The following FFAR4 variants were observed in gnomAD, a reference collection of about 807,000 sequenced individuals.
FFAR4 encodes G-protein coupled receptor 120.
A neutral mutation model predicts 27.0 loss-of-function variants in FFAR4; 19 were observed. That is an observed-to-expected ratio of 0.70 (90% CI 0.49 to 1.03). The LOEUF is 1.03. FFAR4 is among the 50% of genes least tolerant of loss of function. The pLI is 0.00. For missense variants in FFAR4, 476 were observed against 479.0 expected, an observed-to-expected ratio of 0.99 and a Z score of 0.06; for synonymous variants, 254 against 215.6, an observed-to-expected ratio of 1.18 and a Z score of -1.56.
chr10:93,586,843 T>G (rs1467974541), intron 2 of FFAR4, among the ~76,000 whole-genome samples: 1 of 152,194 alleles, frequency 6.6e-6, no homozygotes, highest in Non-Finnish European at 1.5e-5. Context: ...GAAGGCCAGA[T>G]GTTCTTCATT....
chr10:93,578,737 C>T (rs113672720), intron 2 of FFAR4, among the ~76,000 whole-genome samples: 21 of 152,338 alleles, frequency 1.4e-4, no homozygotes, highest in African/African-American at 3.4e-4. Context: ...GCTGCTCTTC[C>T]GACCCCTGTC....
rs759025223 is a variant in FFAR4, at chr10:93,567,023, T to G, written c.303T>G (p.Thr101=). The change falls in exon 1 of 3, where the codon ACT becomes ACG. Residue 101 remains threonine, a synonymous_variant. Coordinates refer to ENST00000371481, the MANE Select transcript of FFAR4 (RefSeq NM_001195755.2). The stretch of plus-strand genomic sequence containing the variant: ...CTCTGGTGCTGGCCGTGCGCTGGAC[T>G]GAGGCCTGGCTGCTGGGCCCCGTTG... ...AIPLVLAVRW[T]EAWLLGPVAC... is the part of the protein sequence containing the mutation. 4 of 1,611,822 alleles carry G rather than the reference T, an allele frequency of 2.5e-6. No homozygotes were observed.
chr10:93,577,165 A>G (rs2058168898), intron 2 of FFAR4, among the ~76,000 whole-genome samples: 1 of 152,238 alleles, frequency 6.6e-6, no homozygotes. Context: ...TTGCCTGCCC[A>G]GGCAAACAGC....
chr10:93,581,307 G>A (rs74150274), intron 2 of FFAR4, among the ~76,000 whole-genome samples: 7,675 of 152,282 alleles, frequency 0.05, 268 homozygotes, highest in South Asian at 0.15. Flanking sequence ...CTTTCTCCAC[G>A]CCTGACCTGC....
In FFAR4 at chr10:93,587,215, C is replaced by T. The variant is rs1343283863; in HGVS notation, c.697-5C>T. The stretch of plus-strand genomic sequence containing the variant: ...TGGCTCCAGTCCTGTTTTGGTTTTC[C>T]ACAGATCACAAAGGCATCAAGGAAG... On this transcript the variant is annotated splice_region_variant and splice_polypyrimidine_tract_variant and intron_variant, in intron 2 of 2. Transcript: ENST00000371481. 6.2e-7 allele frequency: 1 copy of T among 1,607,924 alleles called. No individual in the cohort carries two copies. Among genetic ancestry groups the T allele is most frequent in the Non-Finnish European group, 8.5e-7 (1 of 1,176,436 alleles).
intron 2 of FFAR4, among the ~76,000 whole-genome samples, chr10:93,580,662 G>T (rs2058191941): frequency 6.6e-6 from 1 of 152,142 alleles, no homozygotes; most frequent in African/African-American, 2.4e-5. Context: ...CTCTGCACTG[G>T]TGCTCCAAGA....
chr10:93,578,016 T>C (rs1298460267), intron 2 of FFAR4, among the ~76,000 whole-genome samples: 2 of 152,030 alleles, frequency 1.3e-5, no homozygotes, highest in Non-Finnish European at 2.9e-5. Context: ...GGTGCTGATA[T>C]CGAAAGGAGA....
intron 1 of FFAR4, among the ~76,000 whole-genome samples, chr10:93,574,388 A>T (rs900471545): frequency 6.6e-6 from 1 of 152,138 alleles, no homozygotes; most frequent in Admixed American, 6.5e-5. Context: ...CCATCACAAG[A>T]ATAGGAATGA....
chr10:93,579,307 C>T (rs1448529255), intron 2 of FFAR4: 11 of 989,800 alleles, frequency 1.1e-5, no homozygotes, highest in South Asian at 4.1e-5. Flanking sequence ...GCCCCGCTGC[C>T]GTTCTCACCT....
intron 2 of FFAR4, among the ~76,000 whole-genome samples, chr10:93,581,487 A>G (rs1329679964): frequency 6.6e-6 from 1 of 152,190 alleles, no homozygotes; most frequent in Non-Finnish European, 1.5e-5. Context: ...CAGTGGGAAC[A>G]TCCTCTACCC....
At position 93,587,687 on chromosome 10, in the gene FFAR4, C is replaced by A; in HGVS notation, c.*78C>A. On this transcript the variant is annotated 3_prime_UTR_variant, in exon 3 of 3. Coordinates refer to ENST00000371481, the MANE Select transcript of FFAR4 (RefSeq NM_001195755.2). ...AACAGAGTTCATTTCCAGTACCCTC[C>A]ATCAGTGCACCCTGCTTTAAGAAAA... 1.5e-6 allele frequency: 2 copies of A among 1,352,826 alleles called. No individual in the cohort carries two copies. The highest frequency in any genetic ancestry group is 1.3e-5 in the South Asian group (1 of 75,734). The allele number at this position is 1,352,826 out of a possible 1,614,324, so 83.8% of individuals were successfully genotyped here.
chr10:93,573,186 C>T (rs1481092290), intron 1 of FFAR4, among the ~76,000 whole-genome samples: 3 of 152,240 alleles, frequency 2.0e-5, no homozygotes, highest in Non-Finnish European at 4.4e-5. Flanking sequence ...AAAGGGCCAG[C>T]GCCTTGCTCT....
rs1234598691 is a variant in FFAR4 at position 93,566,869 on chromosome 10, T to A, written c.149T>A (p.Ile50Asn). 1.2e-6 allele frequency: 2 copies of A among 1,603,096 alleles called. No homozygotes were observed. Among genetic ancestry groups the A allele is most frequent in the Non-Finnish European group, 8.5e-7 (1 of 1,176,254 alleles). ...GTGGAGACAACCGTGCTGGTGCTCA[T>A]CTTTGCAGTGTCGCTGCTGGGCAAC... ...AAVETTVLVL[I>N]FAVSLLGNVC... The change falls in exon 1 of 3, where the codon ATC becomes AAC. Residue 50 changes from isoleucine (I) to asparagine (N), a missense_variant. Ile to Asn is a moderately radical substitution (Grantham distance 149). Transcript: ENST00000371481.
At chr10:93,583,246 CAAAA>C (rs56030960) in intron 2 of FFAR4, among the ~76,000 whole-genome samples, 1,614 of 102,256 alleles carry the variant, frequency 0.016, 33 homozygotes, top group African/African-American at 0.05. Flanking sequence ...ACTAAAAATA[CAAAA>C]AAAAAAAAAA....
chr10:93,574,903 A>G (rs2058154488), intron 1 of FFAR4, among the ~76,000 whole-genome samples: 1 of 152,176 alleles, frequency 6.6e-6, no homozygotes, highest in Non-Finnish European at 1.5e-5. Context: ...GTCTCAAAGA[A>G]AAAAAACAAA....
At chr10:93,567,361 A>T in intron 1 of FFAR4, 74 bp downstream of exon 1, 1 of 1,320,722 alleles carries the variant, frequency 7.6e-7, no homozygotes. Flanking sequence ...GGAAGCTGGG[A>T]TGAGGATGAT....
In FFAR4 at chr10:93,587,684, C is replaced by G; in HGVS notation, c.*75C>G. On this transcript the variant is annotated 3_prime_UTR_variant, in exon 3 of 3. Transcript: ENST00000371481. The stretch of plus-strand genomic sequence containing the variant: ...TTAAACAGAGTTCATTTCCAGTACC[C>G]TCCATCAGTGCACCCTGCTTTAAGA... 3 of 1,396,028 alleles carry G rather than the reference C, an allele frequency of 2.1e-6. No homozygotes were observed. In the South Asian group the frequency reaches 3.9e-5, roughly 18 times the overall value. The allele number at this position is 1,396,028 out of a possible 1,614,324, so 86.5% of individuals were successfully genotyped here.
chr10:93,569,767 A>G (rs987377601), intron 1 of FFAR4, among the ~76,000 whole-genome samples: 4 of 151,888 alleles, frequency 2.6e-5, no homozygotes, highest in Non-Finnish European at 5.9e-5. Flanking sequence ...AATTAAAAAA[A>G]AAAAAAAATC....
chr10:93,587,325 C>G lies in FFAR4; in HGVS notation c.802C>G (p.Leu268Val), dbSNP rs754375337. The change falls in exon 3 of 3, where the codon CTC becomes GTC. Residue 268 changes from leucine (L) to valine (V), a missense_variant. Physicochemically the swap from Leu to Val is conservative, Grantham distance 32. Transcript: ENST00000371481. Reference protein sequence around the residue: ...QDFRLFRTLFLLMVSFFIMWS... With the variant: ...QDFRLFRTLFVLMVSFFIMWS... ...CTTCCGGCTCTTCCGCACCCTCTTC[C>G]TCCTCATGGTCTCCTTCTTCATCAT... 3.8e-5 allele frequency: 62 copies of G among 1,614,178 alleles called. No homozygotes were observed. Among genetic ancestry groups the G allele is most frequent in the Non-Finnish European group, 4.6e-5 (54 of 1,180,028 alleles).
Sources: gnomAD v4.1 joint callset for allele counts (sites outside exome capture counted in the v4.1 genomes callset) on GRCh38, gnomAD v4.1.1 for gene constraint, MANE v1.5 for transcripts, NCBI Gene and HGNC (gene_info 2026-07-23, HGNC 2026-07-21) for gene names.